ADAM23: variants seen among roughly 807,000 people sequenced by gnomAD.
The protein encoded by ADAM23 is ADAM metallopeptidase domain 23, also known as disintegrin and metalloproteinase domain-containing protein 23.
A neutral mutation model predicts 120.1 loss-of-function variants in ADAM23; 33 were observed. That is an observed-to-expected ratio of 0.27 (90% CI 0.21 to 0.37). ADAM23 has a LOEUF of 0.37. Among genes scored for constraint, ADAM23 ranks in the 10% least tolerant of loss-of-function variants. ADAM23 has a pLI of 1.00. For missense variants in ADAM23, 862 were observed against 1,058.2 expected, an observed-to-expected ratio of 0.81 and a Z score of 2.57; for synonymous variants, 367 against 375.2, an observed-to-expected ratio of 0.98 and a Z score of 0.25.
chr2:206,482,558 T>G (rs989833281), intron 3 of ADAM23, among the ~76,000 whole-genome samples: 1 of 152,132 alleles, frequency 6.6e-6, no homozygotes, highest in Non-Finnish European at 1.5e-5. Context: ...AATTAGTACA[T>G]GGCAGAGAAA....
intron 18 of ADAM23, among the ~76,000 whole-genome samples, chr2:206,581,353 G>A (rs913696347): frequency 1.3e-5 from 2 of 152,048 alleles, no homozygotes; most frequent in Non-Finnish European, 2.9e-5. Context: ...TTTGATGTAG[G>A]CATTTAGGGC....
At chr2:206,591,935 A>G (rs962165388) in intron 21 of ADAM23, among the ~76,000 whole-genome samples, 1 of 152,150 alleles carries the variant, frequency 6.6e-6, no homozygotes, top group Non-Finnish European at 1.5e-5. Flanking sequence ...CATTTGTTGG[A>G]CATGGATTTC....
At chr2:206,563,143 C>T (rs558327977) in intron 13 of ADAM23, among the ~76,000 whole-genome samples, 7 of 152,198 alleles carry the variant, frequency 4.6e-5, no homozygotes, top group South Asian at 4.2e-4. Context: ...TAATGCAATC[C>T]GGTGGAAAGA....
chr2:206,463,223 G>A (rs949746462), intron 2 of ADAM23, among the ~76,000 whole-genome samples: 1 of 152,202 alleles, frequency 6.6e-6, no homozygotes, highest in African/African-American at 2.4e-5. Context: ...ACTGAGATGG[G>A]AGTATATCCT....
intron 25 of ADAM23, among the ~76,000 whole-genome samples, chr2:206,614,668 T>G (rs1698900729): frequency 6.6e-6 from 1 of 152,098 alleles, no homozygotes; most frequent in Non-Finnish European, 1.5e-5. Flanking sequence ...AAAAAAGAGT[T>G]ATCTGAATGT....
chr2:206,607,488 AG>A, intron 24 of ADAM23, among the ~76,000 whole-genome samples: 1 of 152,346 alleles, frequency 6.6e-6, no homozygotes, highest in Non-Finnish European at 1.5e-5. Flanking sequence ...ACTAATTGAA[AG>A]GATGAATTTT....
rs146834461 is a variant in ADAM23, at chr2:206,545,270, G to A, written c.720+1954G>A. ...TGGGAGGCTGAGGTGCGCAGATCACGAGGTCAGGAGTTTGAGACCAGCCCA... is the reference window on the plus strand; with the variant it reads ...TGGGAGGCTGAGGTGCGCAGATCACAAGGTCAGGAGTTTGAGACCAGCCCA... On this transcript the variant is annotated intron_variant, in intron 6 of 25. Coordinates refer to ENST00000264377, the MANE Select transcript of ADAM23 (RefSeq NM_003812.4). 6.7e-3 allele frequency among the ~76,000 whole-genome samples: 1,020 copies of A among 152,066 alleles called. 12 individuals carry two copies. The highest frequency in any genetic ancestry group is 0.023 in the African/African-American group (972 of 41,486).
chr2:206,547,489 A>G lies in ADAM23; in HGVS notation c.781A>G (p.Met261Val). The change falls in exon 7 of 26, where the codon ATG (methionine) becomes GTG (valine). Residue 261 changes from methionine (M) to valine (V), a missense_variant. Met to Val is a conservative substitution (Grantham distance 21). Coordinates refer to ENST00000264377, the MANE Select transcript of ADAM23 (RefSeq NM_003812.4). The stretch of plus-strand genomic sequence containing the variant: ...CTTGGCAGGACAGTATTCTAAGCAA[A>G]TGAAGAATCTCAGTAAGTTTTAACT... ...KTLAGQYSKQMKNLTMERGDQ... is the reference protein window; with the variant it reads ...KTLAGQYSKQVKNLTMERGDQ... 8.7e-6 allele frequency: 14 copies of G among 1,611,576 alleles called. No individual in the cohort carries two copies. The highest frequency in any genetic ancestry group is 1.2e-5 in the Non-Finnish European group (14 of 1,178,074).
In ADAM23 at chr2:206,614,967, G is replaced by A. The variant is rs4675618; in HGVS notation, c.2451-2612G>A. ...GCCAGGAAGATCGGTGCATTTCCCT[G>A]CCCCAGCGCCCCAGGGAAGTGAGCT... On this transcript the variant is annotated intron_variant, in intron 25 of 25. Coordinates refer to ENST00000264377, the MANE Select transcript of ADAM23 (RefSeq NM_003812.4). Among the ~76,000 whole-genome samples the A allele has an allele frequency of 8.4e-3, 1,272 of 152,136 alleles. 43 individuals carry two copies. The highest frequency in any genetic ancestry group is 0.055 in the Admixed American group (837 of 15,302).
chr2:206,500,632 A>G (rs767007588), intron 3 of ADAM23, among the ~76,000 whole-genome samples: 6 of 152,172 alleles, frequency 3.9e-5, no homozygotes, highest in Non-Finnish European at 8.8e-5. Flanking sequence ...CCTGAGGGTT[A>G]GTCTTGTCCT....
intron 3 of ADAM23, among the ~76,000 whole-genome samples, chr2:206,484,416 G>A (rs1695961994): frequency 6.6e-6 from 1 of 152,098 alleles, no homozygotes; most frequent in African/African-American, 2.4e-5. Flanking sequence ...TCTTTCTGGT[G>A]TTGTTTTTTA....
chr2:206,507,938 C>T (rs1696528854), intron 3 of ADAM23, among the ~76,000 whole-genome samples: 1 of 152,070 alleles, frequency 6.6e-6, no homozygotes, highest in Non-Finnish European at 1.5e-5. Context: ...GCTTGGGCTT[C>T]CCTCATTTCT....
At chr2:206,574,918 C>T (rs1056433768) in intron 18 of ADAM23, among the ~76,000 whole-genome samples, 4 of 152,028 alleles carry the variant, frequency 2.6e-5, no homozygotes, top group African/African-American at 9.7e-5. Flanking sequence ...TTGTTGAGGG[C>T]CTACTGTGTT....
chr2:206,599,713 T>C (rs1001707068), intron 24 of ADAM23, among the ~76,000 whole-genome samples: 1 of 152,246 alleles, frequency 6.6e-6, no homozygotes, highest in Non-Finnish European at 1.5e-5. Context: ...TCCATAAATA[T>C]TACACTCTTC....
At chr2:206,455,971 A>C (rs545447963) in intron 2 of ADAM23, among the ~76,000 whole-genome samples, 1 of 151,638 alleles carries the variant, frequency 6.6e-6, no homozygotes, top group East Asian at 1.9e-4. Context: ...AACTGTTCCA[A>C]CCTCCGCCTG....
At chr2:206,494,388 G>A (rs1023015188) in intron 3 of ADAM23, among the ~76,000 whole-genome samples, 1 of 152,110 alleles carries the variant, frequency 6.6e-6, no homozygotes, top group African/African-American at 2.4e-5. Context: ...CAGTGGTAAA[G>A]GGTTTCTTTA....
chr2:206,508,187 G>A (rs965040203), intron 3 of ADAM23, among the ~76,000 whole-genome samples: 6 of 151,858 alleles, frequency 4.0e-5, no homozygotes, highest in Non-Finnish European at 8.8e-5. Flanking sequence ...CCACCACCAC[G>A]CCCAGCTAAT....
intron 23 of ADAM23, 103 bp downstream of exon 23, chr2:206,595,008 C>G: frequency 6.9e-7 from 1 of 1,455,576 alleles, no homozygotes; most frequent in Non-Finnish European, 9.3e-7. Flanking sequence ...TGGTGAAACA[C>G]CATCTCTACT....
At chr2:206,483,144 G>A (rs1244177845) in intron 3 of ADAM23, among the ~76,000 whole-genome samples, 3 of 152,154 alleles carry the variant, frequency 2.0e-5, no homozygotes, top group Non-Finnish European at 2.9e-5. Flanking sequence ...CGTGGAGAGG[G>A]AATACTTTCA....
Sources: gnomAD v4.1 joint callset for allele counts (sites outside exome capture counted in the v4.1 genomes callset) on GRCh38, gnomAD v4.1.1 for gene constraint, MANE v1.5 for transcripts, NCBI Gene and HGNC (gene_info 2026-07-23, HGNC 2026-07-21) for gene names.